Variants in KALRN observed in about 807,000 individuals in gnomAD.
The protein encoded by KALRN is kalirin.
Under a neutral mutation model 353.7 loss-of-function variants are expected in KALRN, and 70 were observed. The ratio of observed to expected loss-of-function variants is 0.20; its 90% CI spans 0.16 to 0.24. KALRN has a LOEUF of 0.24. KALRN is among the 10% of genes least tolerant of loss of function. The probability of loss-of-function intolerance (pLI) is 1.00; values close to 1 mark genes in which losing one functional copy is unlikely to be tolerated. For synonymous variants in KALRN, 1,391 were observed against 1,434.8 expected (o/e 0.97, Z 0.69); for missense variants, 2,791 against 3,756.7 (o/e 0.74, Z 6.72).
rs878883940 is a variant in KALRN, at chr3:124,442,022, C to T, written c.3276C>T (p.Val1092=). 20 of 1,606,112 alleles carry T rather than the reference C, an allele frequency of 1.2e-5. No homozygotes were observed. Among genetic ancestry groups the T allele is most frequent in the South Asian group, 1.1e-4 (10 of 90,594 alleles). ...IHRNNVSMPS[V]ASHTRGPEQQ... ...GGAACAACGTCAGCATGCCCAGTGT[C>T]GCCAGCCACACTCGGGGACCCGAGC... The change falls in exon 19 of 60, where the codon GTC becomes GTT. Residue 1092 remains valine, a synonymous_variant. Transcript: ENST00000682506.
At chr3:124,423,995 G>T (rs996993816) in intron 15 of KALRN, among the ~76,000 whole-genome samples, 2 of 152,154 alleles carry the variant, frequency 1.3e-5, no homozygotes, top group Non-Finnish European at 2.9e-5. Flanking sequence ...CCATTTTGTT[G>T]AGTGCTATGG....
intron 23 of KALRN, among the ~76,000 whole-genome samples, chr3:124,459,329 A>G (rs1425249395): frequency 6.6e-6 from 1 of 152,228 alleles, no homozygotes; most frequent in Non-Finnish European, 1.5e-5. Context: ...GAGGATGCTG[A>G]GATTCAAACA....
chr3:124,458,256 A>G (rs1268523175), intron 23 of KALRN, among the ~76,000 whole-genome samples: 2 of 142,692 alleles, frequency 1.4e-5, no homozygotes, highest in Non-Finnish European at 3.0e-5. Flanking sequence ...AGCCTGGCTG[A>G]CAGAGCAAGA....
intron 1 of KALRN, among the ~76,000 whole-genome samples, chr3:124,211,154 C>A (rs2076867101): frequency 6.6e-6 from 1 of 152,202 alleles, no homozygotes; most frequent in Admixed American, 6.5e-5. Context: ...TTGATTCATT[C>A]ACTCCATCAC....
intron 1 of KALRN, chr3:124,162,542 C>T (rs538090329): frequency 1.3e-5 from 2 of 152,366 alleles, no homozygotes; most frequent in Admixed American, 1.3e-4. Flanking sequence ...CAAATCCCTG[C>T]TCTGAGGCAA....
intron 9 of KALRN, among the ~76,000 whole-genome samples, chr3:124,342,338 G>T (rs767414661): frequency 2.6e-5 from 4 of 152,088 alleles, no homozygotes; most frequent in Non-Finnish European, 5.9e-5. Context: ...GGTGTCCATT[G>T]TCTAGCACTC....
At chr3:124,668,879 C>T (rs1344597451) in intron 47 of KALRN, among the ~76,000 whole-genome samples, 1 of 152,154 alleles carries the variant, frequency 6.6e-6, no homozygotes, top group Non-Finnish European at 1.5e-5. Flanking sequence ...GTTTAAATTG[C>T]ATTCTATTAG....
chr3:124,282,089 A>G (rs2075396235), intron 5 of KALRN, among the ~76,000 whole-genome samples: 1 of 152,188 alleles, frequency 6.6e-6, no homozygotes, highest in African/African-American at 2.4e-5. Context: ...TAGTGAAAGT[A>G]GAAAGGGAAG....
At chr3:124,456,827 CA>C in intron 23 of KALRN, 99 bp downstream of exon 23, 1 of 732,018 alleles carries the variant, frequency 1.4e-6, no homozygotes, top group Non-Finnish European at 2.4e-6. Context: ...TTCTCATGGC[CA>C]CCTACAGGGA....
chr3:124,139,063 A>G (rs1241279212), intron 1 of KALRN, among the ~76,000 whole-genome samples: 1 of 152,136 alleles, frequency 6.6e-6, no homozygotes. Context: ...AGGCTGGGGA[A>G]GCTAGCCCAG....
rs114246154 is a variant in KALRN, at chr3:124,519,954, A to C, written c.4935+23541A>C. On this transcript the variant is annotated intron_variant, in intron 33 of 59. Transcript: ENST00000682506. ...ATCCCACTTTCCAGAAAGATCTGTC[A>C]AGCTGGGGACAGATGCAATGAGCGT... is the stretch of plus-strand genomic sequence containing the variant. 905 of 852,126 alleles carry C rather than the reference A, an allele frequency of 1.1e-3. 5 individuals carry two copies. The African/African-American group carries it at 0.016, about 15-fold the overall frequency. 52.8% of individuals were successfully genotyped at this position (852,126 alleles called of 1,614,324 possible). A position where few individuals can be genotyped will look rare whatever the true frequency, so the allele number is the denominator to read the frequency against.
chr3:124,700,061 C>T (rs774746699), intron 56 of KALRN, 28 bp downstream of exon 56: 14 of 1,611,038 alleles, frequency 8.7e-6, no homozygotes, highest in South Asian at 3.3e-5. Context: ...CCTGGCCCCC[C>T]AGGCAGTGGG....
intron 5 of KALRN, among the ~76,000 whole-genome samples, chr3:124,298,201 C>A (rs948571382): frequency 1.3e-5 from 2 of 152,204 alleles, no homozygotes; most frequent in African/African-American, 4.8e-5. Context: ...TTAATGCCCA[C>A]TGTGCTAGCA....
intron 59 of KALRN, among the ~76,000 whole-genome samples, chr3:124,717,886 G>A (rs7652335): frequency 6.6e-5 from 10 of 151,636 alleles, no homozygotes; most frequent in African/African-American, 1.9e-4. Flanking sequence ...ATCTCGGCTC[G>A]CTGCAACCTC....
chr3:124,170,600 A>T (rs1448745633), intron 1 of KALRN, among the ~76,000 whole-genome samples: 1 of 152,086 alleles, frequency 6.6e-6, no homozygotes, highest in Non-Finnish European at 1.5e-5. Context: ...ATGAGAGAAG[A>T]CGTTTTCCTC....
chr3:124,335,130 A>T (rs1353316276), intron 9 of KALRN, among the ~76,000 whole-genome samples: 4 of 152,084 alleles, frequency 2.6e-5, no homozygotes, highest in African/African-American at 9.7e-5. Context: ...ACACTCAGGC[A>T]ATGATTGCTA....
At chr3:124,486,219 G>A (rs908094389) in intron 28 of KALRN, among the ~76,000 whole-genome samples, 2 of 152,164 alleles carry the variant, frequency 1.3e-5, no homozygotes, top group Non-Finnish European at 2.9e-5. Flanking sequence ...GGCCCAGCTG[G>A]TAGATTGGTA....
intron 10 of KALRN, among the ~76,000 whole-genome samples, chr3:124,376,148 CAG>C (rs1457887293): frequency 2.6e-5 from 4 of 152,310 alleles, no homozygotes; most frequent in African/African-American, 9.6e-5. Flanking sequence ...TTTAAGTCCT[CAG>C]AGATAGTCTC....
intron 47 of KALRN, among the ~76,000 whole-genome samples, chr3:124,670,990 C>T (rs1053600823): frequency 6.6e-6 from 1 of 152,170 alleles, no homozygotes; most frequent in Admixed American, 6.5e-5. Flanking sequence ...ATCCATTCCA[C>T]ATCCCACTGG....
Sources: gnomAD v4.1 joint callset for allele counts (sites outside exome capture counted in the v4.1 genomes callset) on GRCh38, gnomAD v4.1.1 for gene constraint, MANE v1.5 for transcripts, NCBI Gene and HGNC (gene_info 2026-07-23, HGNC 2026-07-21) for gene names.